ARK2N: variants seen among roughly 807,000 people sequenced by gnomAD.
ARK2N encodes protein ARK2N.
At chr18:46,174,474 A>G in the ARK2N span, 2 of 151,920 alleles carry the variant, frequency 1.3e-5, no homozygotes, top group Non-Finnish European at 2.9e-5. Flanking sequence ...CTGGGGTCCT[A>G]GCGGGCCTGG....
chr18:46,216,261 C>T, the ARK2N span: 1 of 1,613,862 alleles, frequency 6.2e-7, no homozygotes, highest in South Asian at 1.1e-5. The surrounding 1 kb of genome is among the most constrained non-coding windows in gnomAD (Gnocchi z 4.3). Flanking sequence ...TAGAAGGAGA[C>T]CCTTCAGGAG....
chr18:46,251,547 A>G, the ARK2N span, among the ~76,000 whole-genome samples: 1 of 152,182 alleles, frequency 6.6e-6, no homozygotes, highest in African/African-American at 2.4e-5. Flanking sequence ...AATTTTTCAC[A>G]TATATGCATC....
At chr18:46,249,550 G>A in the ARK2N span, among the ~76,000 whole-genome samples, 5 of 152,246 alleles carry the variant, frequency 3.3e-5, no homozygotes, top group Admixed American at 6.5e-5. Context: ...TTTCTCCGTA[G>A]TGGCTACTTC....
chr18:46,233,132 CTG>C, the ARK2N span, among the ~76,000 whole-genome samples: 1 of 152,114 alleles, frequency 6.6e-6, no homozygotes, highest in African/African-American at 2.4e-5. Flanking sequence ...AAGAATACCA[CTG>C]TGAACATAAA....
At chr18:46,216,151 A>C in the ARK2N span, 1 of 1,614,062 alleles carries the variant, frequency 6.2e-7, no homozygotes, top group Non-Finnish European at 8.5e-7. The surrounding 1 kb of genome is among the most constrained non-coding windows in gnomAD (Gnocchi z 4.3). Flanking sequence ...TGACTCCTCT[A>C]ATCACTGCAT....
chr18:46,192,123 G>T, the ARK2N span, among the ~76,000 whole-genome samples: 1 of 152,160 alleles, frequency 6.6e-6, no homozygotes, highest in African/African-American at 2.4e-5. Context: ...TTTTGGTAGT[G>T]TGTTTTTCAG....
chr18:46,177,118 A>G, the ARK2N span, among the ~76,000 whole-genome samples: 1 of 152,190 alleles, frequency 6.6e-6, no homozygotes, highest in Non-Finnish European at 1.5e-5. Context: ...TATTTTAGGA[A>G]AGAGTTTGGG....
At chr18:46,245,690 A>G in the ARK2N span, among the ~76,000 whole-genome samples, 1 of 152,078 alleles carries the variant, frequency 6.6e-6, no homozygotes, top group Non-Finnish European at 1.5e-5. Flanking sequence ...CGACTGTCAT[A>G]CAGTATGTAG....
the ARK2N span, among the ~76,000 whole-genome samples, chr18:46,174,898 T>C: frequency 6.6e-6 from 1 of 152,172 alleles, no homozygotes; most frequent in African/African-American, 2.4e-5. Context: ...AAGGCTTTCT[T>C]ATAGGCTTGG....
chr18:46,182,683 CTTTTTTTTT>C, the ARK2N span, among the ~76,000 whole-genome samples: 5 of 87,806 alleles, frequency 5.7e-5, no homozygotes, highest in African/African-American at 1.8e-4. Context: ...AGCCACAGTG[CTTTTTTTTT>C]TTTTTTTTTT....
the ARK2N span, among the ~76,000 whole-genome samples, chr18:46,197,426 G>A: frequency 1.7e-4 from 26 of 152,236 alleles, no homozygotes; most frequent in African/African-American, 6.3e-4. Context: ...TAGAAACGGG[G>A]TTTCACCGTG....
the ARK2N span, among the ~76,000 whole-genome samples, chr18:46,184,550 C>T: frequency 6.6e-6 from 1 of 152,268 alleles, no homozygotes; most frequent in South Asian, 2.1e-4. Flanking sequence ...AGTGAAACTC[C>T]GTCTCTCCTA....
At chr18:46,176,286 C>T in the ARK2N span, among the ~76,000 whole-genome samples, 1 of 152,236 alleles carries the variant, frequency 6.6e-6, no homozygotes. Flanking sequence ...ATTCTTCTTT[C>T]TAAAGTTTGG....
the ARK2N span, among the ~76,000 whole-genome samples, chr18:46,184,504 T>A: frequency 6.6e-6 from 1 of 152,164 alleles, no homozygotes; most frequent in South Asian, 2.1e-4. Flanking sequence ...GGCAGATGGC[T>A]TAAATACAGG....
the ARK2N span, among the ~76,000 whole-genome samples, chr18:46,213,841 C>T: frequency 2.6e-5 from 4 of 152,034 alleles, no homozygotes; most frequent in Non-Finnish European, 5.9e-5. Flanking sequence ...GGACTACAGG[C>T]GCTCGCCACC....
the ARK2N span, among the ~76,000 whole-genome samples, chr18:46,230,956 T>A: frequency 6.6e-6 from 1 of 152,238 alleles, no homozygotes; most frequent in Non-Finnish European, 1.5e-5. Context: ...TTGTGCTAGC[T>A]CAGTCCTAGG....
the ARK2N span, among the ~76,000 whole-genome samples, chr18:46,222,986 T>C: frequency 5.9e-5 from 9 of 152,234 alleles, no homozygotes; most frequent in Non-Finnish European, 1.3e-4. Context: ...CAAAATGTCT[T>C]GCTTATCAGT....
the ARK2N span, among the ~76,000 whole-genome samples, chr18:46,229,613 GTGT>G: frequency 2.7e-5 from 4 of 149,254 alleles, no homozygotes; most frequent in Non-Finnish European, 5.9e-5. Flanking sequence ...CAAAGTGCTG[GTGT>G]TGTTTTTTTA....
At chr18:46,241,879 C>T in the ARK2N span, among the ~76,000 whole-genome samples, 4 of 151,992 alleles carry the variant, frequency 2.6e-5, no homozygotes, top group Admixed American at 1.3e-4. Context: ...TGCAATGGCG[C>T]GATCTCAGCT....
Sources: allele counts gnomAD v4.1 joint callset (sites outside exome capture counted in the v4.1 genomes callset), GRCh38; gene constraint gnomAD v4.1.1; non-coding constraint Gnocchi (gnomAD v3.1); transcripts MANE v1.5; gene names NCBI Gene and HGNC (gene_info 2026-07-23, HGNC 2026-07-21).